The following ADAMTS3 variants were observed in gnomAD, a reference collection of about 807,000 sequenced individuals.
ADAMTS3 encodes A disintegrin and metalloproteinase with thrombospondin motifs 3.
ADAMTS3 carries 73 observed loss-of-function variants against 129.0 expected under a neutral mutation model. The observed-to-expected ratio is 0.57, with a 90% confidence interval of 0.47 to 0.69. ADAMTS3 has a LOEUF of 0.69. Ranked by LOEUF, ADAMTS3 falls within the 30% of genes least tolerant of loss-of-function variation. ADAMTS3 has a pLI of 0.00. For synonymous variants in ADAMTS3, 477 were observed against 510.8 expected (o/e 0.93, Z 0.89); for missense variants, 1,457 against 1,514.5 (o/e 0.96, Z 0.63).
At chr4:72,316,473 G>A (rs981632280) in intron 10 of ADAMTS3, among the ~76,000 whole-genome samples, 2 of 152,046 alleles carry the variant, frequency 1.3e-5, no homozygotes, top group Non-Finnish European at 2.9e-5. Context: ...ATCACCTGAG[G>A]TCAGGAGTTC....
intron 2 of ADAMTS3, among the ~76,000 whole-genome samples, chr4:72,558,597 C>G (rs1305043160): frequency 1.3e-5 from 2 of 151,756 alleles, no homozygotes; most frequent in Non-Finnish European, 2.9e-5. Flanking sequence ...TCCAAGGATC[C>G]AGGCACAGAC....
intron 4 of ADAMTS3, among the ~76,000 whole-genome samples, chr4:72,411,219 C>T (rs1722176814): frequency 6.6e-6 from 1 of 152,208 alleles, no homozygotes; most frequent in Middle Eastern, 3.4e-3. Flanking sequence ...GTTGTTGAAT[C>T]GTACCATATG....
At chr4:72,542,034 TC>T (rs1268977291) in intron 3 of ADAMTS3, among the ~76,000 whole-genome samples, 1 of 152,228 alleles carries the variant, frequency 6.6e-6, no homozygotes, top group Non-Finnish European at 1.5e-5. Context: ...GGTTAAACTT[TC>T]CTTAAACATG....
chr4:72,350,245 T>C (rs1720398793), intron 4 of ADAMTS3, among the ~76,000 whole-genome samples: 1 of 152,074 alleles, frequency 6.6e-6, no homozygotes, highest in African/African-American at 2.4e-5. Context: ...TTTTACTACA[T>C]AACTGTGTGC....
At chr4:72,323,305 A>G (rs2109811901) in intron 5 of ADAMTS3, 1 of 544,238 alleles carries the variant, frequency 1.8e-6, no homozygotes, top group Non-Finnish European at 3.3e-6. Flanking sequence ...TAAACTCCAC[A>G]GTAATATGAA....
chr4:72,327,533 T>C (rs540980182), intron 5 of ADAMTS3, among the ~76,000 whole-genome samples: 3 of 152,274 alleles, frequency 2.0e-5, no homozygotes, highest in Admixed American at 2.0e-4. Flanking sequence ...AAGCTCAACA[T>C]ATATTAGAGA....
intron 10 of ADAMTS3, among the ~76,000 whole-genome samples, chr4:72,317,485 T>A (rs1218411158): frequency 2.1e-5 from 3 of 146,134 alleles, no homozygotes; most frequent in African/African-American, 5.3e-5. Context: ...TTTTTTTTTT[T>A]AATGAATTAC....
At chr4:72,567,215 C>T (rs531973819) in intron 2 of ADAMTS3, among the ~76,000 whole-genome samples, 159 bp downstream of exon 2, 18 of 152,288 alleles carry the variant, frequency 1.2e-4, no homozygotes, top group African/African-American at 3.8e-4. Context: ...TGGGACCTTC[C>T]TCCAGAAAGA....
intron 21 of ADAMTS3, among the ~76,000 whole-genome samples, chr4:72,285,105 A>C (rs927661914): frequency 2.6e-5 from 4 of 152,200 alleles, no homozygotes; most frequent in African/African-American, 7.2e-5. Context: ...ATAACTCCCC[A>C]AAAATTGAAA....
intron 3 of ADAMTS3, among the ~76,000 whole-genome samples, chr4:72,493,629 T>C (rs1356590805): frequency 1.3e-5 from 2 of 152,066 alleles, no homozygotes; most frequent in Non-Finnish European, 2.9e-5. Flanking sequence ...TGCACCACTT[T>C]GATGATGTTA....
chr4:72,517,017 C>A (rs778159525), intron 3 of ADAMTS3, among the ~76,000 whole-genome samples: 17 of 152,094 alleles, frequency 1.1e-4, no homozygotes, highest in Admixed American at 5.9e-4. Flanking sequence ...CCCATCAATA[C>A]CTAATTTATT....
chr4:72,514,512 T>G (rs1720402689), intron 3 of ADAMTS3, among the ~76,000 whole-genome samples: 1 of 152,128 alleles, frequency 6.6e-6, no homozygotes, highest in Non-Finnish European at 1.5e-5. Flanking sequence ...GAAAACTCTC[T>G]CGCAGAAGTT....
chr4:72,373,669 TG>T (rs1160523175), intron 4 of ADAMTS3, among the ~76,000 whole-genome samples: 2 of 152,032 alleles, frequency 1.3e-5, no homozygotes, highest in African/African-American at 4.8e-5. Flanking sequence ...GAGGCCAAGG[TG>T]GGTGGATCAC....
intron 3 of ADAMTS3, among the ~76,000 whole-genome samples, chr4:72,515,851 T>C (rs1720457325): frequency 6.6e-6 from 1 of 152,190 alleles, no homozygotes; most frequent in Admixed American, 6.5e-5. Flanking sequence ...TTAGATCCCA[T>C]TTGTCAATTT....
At chr4:72,321,783 A>G (rs1719561906) in intron 6 of ADAMTS3, among the ~76,000 whole-genome samples, 1 of 152,082 alleles carries the variant, frequency 6.6e-6, no homozygotes, top group Non-Finnish European at 1.5e-5. Flanking sequence ...CAAAAACAAA[A>G]ACTCCCATTT....
intron 3 of ADAMTS3, among the ~76,000 whole-genome samples, chr4:72,460,944 T>C (rs1304925785): frequency 6.6e-6 from 1 of 151,670 alleles, no homozygotes; most frequent in African/African-American, 2.4e-5. Context: ...TCATTACTTA[T>C]AATATCAATA....
intron 3 of ADAMTS3, among the ~76,000 whole-genome samples, chr4:72,462,724 A>T (rs1414210553): frequency 6.6e-6 from 1 of 151,974 alleles, no homozygotes; most frequent in Non-Finnish European, 1.5e-5. Context: ...TTTTAAATTT[A>T]AAAAATAGAA....
intron 3 of ADAMTS3, among the ~76,000 whole-genome samples, chr4:72,494,142 T>A (rs990486292): frequency 2.6e-5 from 4 of 152,162 alleles, no homozygotes; most frequent in African/African-American, 7.2e-5. Flanking sequence ...AGTTTTCAGA[T>A]ATTAATTCTT....
chr4:72,567,543 G>A (rs186129066), intron 1 of ADAMTS3, 142 bp from the exon 2 acceptor site: 39 of 779,586 alleles, frequency 5.0e-5, no homozygotes, highest in Non-Finnish European at 7.0e-5. Flanking sequence ...CCTAAAGCCT[G>A]CACCTTGGTT....
Sources: allele counts gnomAD v4.1 joint callset (sites outside exome capture counted in the v4.1 genomes callset), GRCh38; gene constraint gnomAD v4.1.1; transcripts MANE v1.5; gene names NCBI Gene and HGNC (gene_info 2026-07-23, HGNC 2026-07-21).